ANO3: variants seen among roughly 807,000 people sequenced by gnomAD.
The protein encoded by ANO3 is anoctamin 3, also known as anoctamin-3.
A neutral mutation model predicts 144.8 loss-of-function variants in ANO3; 99 were observed. The ratio of observed to expected loss-of-function variants is 0.68; its 90% confidence interval spans 0.58 to 0.81. The LOEUF is 0.81. Among genes scored for constraint, ANO3 ranks in the 30% least tolerant of loss-of-function variants. The pLI is 0.00. For missense variants in ANO3, 905 were observed against 1,202.2 expected (o/e 0.75, Z 3.66); for synonymous variants, 414 against 392.6 (o/e 1.05, Z -0.64).
intron 1 of ANO3, among the ~76,000 whole-genome samples, chr11:26,272,665 A>G (rs998962013): frequency 1.3e-5 from 2 of 152,210 alleles, no homozygotes; most frequent in Admixed American, 1.3e-4. Flanking sequence ...GCTTCTGCCA[A>G]CTAAGAGACA....
At chr11:26,631,502 C>T (rs1050592326) in intron 18 of ANO3, among the ~76,000 whole-genome samples, 1 of 152,008 alleles carries the variant, frequency 6.6e-6, no homozygotes, top group Non-Finnish European at 1.5e-5. Flanking sequence ...ATCTCCAGAC[C>T]TACCTATCTA....
At chr11:26,311,913 A>G (rs1027133397) in intron 1 of ANO3, among the ~76,000 whole-genome samples, 5 of 152,292 alleles carry the variant, frequency 3.3e-5, no homozygotes, top group Non-Finnish European at 7.4e-5. Flanking sequence ...GGTTTGTTAA[A>G]TACGTATACA....
upstream of ANO3, among the ~76,000 whole-genome samples, chr11:26,328,816 A>G (rs576871244): frequency 3.3e-4 from 51 of 152,320 alleles, no homozygotes; most frequent in Non-Finnish European, 5.9e-4. Context: ...TGTAATAAGG[A>G]TAAAATCAAC....
intron 1 of ANO3, among the ~76,000 whole-genome samples, chr11:26,371,975 T>C (rs1856272914): frequency 6.6e-6 from 1 of 152,194 alleles, no homozygotes; most frequent in Non-Finnish European, 1.5e-5. Flanking sequence ...GTGGTACTAT[T>C]AGGAGGGCAT....
At chr11:26,291,576 C>T (rs1026184254) in intron 1 of ANO3, among the ~76,000 whole-genome samples, 6 of 152,108 alleles carry the variant, frequency 3.9e-5, no homozygotes, top group African/African-American at 7.2e-5. Context: ...TTAGTGCTTC[C>T]TTCAGGATCT....
At chr11:26,200,150 G>A (rs557842702) in intron 1 of ANO3, among the ~76,000 whole-genome samples, 2 of 152,270 alleles carry the variant, frequency 1.3e-5, no homozygotes, top group Admixed American at 6.5e-5. Context: ...AAACAGAGCC[G>A]AGATTGCTTT....
chr11:26,647,998 A>G, intron 24 of ANO3, 142 bp downstream of exon 24: 1 of 733,908 alleles, frequency 1.4e-6, no homozygotes, highest in Non-Finnish European at 2.0e-6. Flanking sequence ...AGGTGAAATC[A>G]AGCAAGGTAA....
At chr11:26,286,180 G>A (rs1236645059) in intron 1 of ANO3, 1 of 152,140 alleles carries the variant, frequency 6.6e-6, no homozygotes, top group Non-Finnish European at 1.5e-5. Flanking sequence ...GGGAAAAATA[G>A]TTCACAGGAC....
intron 1 of ANO3, among the ~76,000 whole-genome samples, chr11:26,275,214 T>C (rs1853530832): frequency 6.6e-6 from 1 of 152,102 alleles, no homozygotes; most frequent in Non-Finnish European, 1.5e-5. Context: ...AGCTGACATA[T>C]TTAGATTCAT....
chr11:26,567,007 C>T, intron 14 of ANO3: 1 of 1,412,862 alleles, frequency 7.1e-7, no homozygotes. Flanking sequence ...TCTATAGTGT[C>T]TTTTTGGTTA....
In ANO3 at chr11:26,643,278, C is replaced by A. The variant is rs1195680183; in HGVS notation, c.2372C>A (p.Ala791Glu). ...AATATCATTGAAATCAGGCTGGATG[C>A]ATACAAATTTGTCACTCAATGGCGG... is the stretch of plus-strand genomic sequence containing the variant. ...LNNIIEIRLDAYKFVTQWRRP... is the reference protein window; with the variant it reads ...LNNIIEIRLDEYKFVTQWRRP... Residue 791 changes from alanine (A) to glutamate (E), a missense_variant, in exon 23 of 27, where the codon GCA (alanine) becomes GAA (glutamate). Transcript: ENST00000256737. 1 of 1,614,172 alleles carries A rather than the reference C, an allele frequency of 6.2e-7. No homozygotes were observed. Among genetic ancestry groups the A allele is most frequent in the Admixed American group, 1.7e-5 (1 of 60,024 alleles).
intron 4 of ANO3, among the ~76,000 whole-genome samples, chr11:26,468,469 G>A (rs888001876): frequency 6.6e-6 from 1 of 151,922 alleles, no homozygotes; most frequent in Admixed American, 6.6e-5. Context: ...AGATCACAAG[G>A]CCATTCACTT....
chr11:26,197,927 A>C (rs1278268637), intron 1 of ANO3, among the ~76,000 whole-genome samples: 1 of 151,988 alleles, frequency 6.6e-6, no homozygotes, highest in Admixed American at 6.6e-5. Context: ...CTCTGACCCC[A>C]TGGCATCTCA....
At chr11:26,283,321 A>AATATATAT (rs58419788) in intron 1 of ANO3, among the ~76,000 whole-genome samples, 170 of 48,956 alleles carry the variant, frequency 3.5e-3, no homozygotes, top group African/African-American at 4.6e-3. Context: ...CAAATAAATA[A>AATATATAT]ATATATATAT....
chr11:26,544,297 C>CACACACACAT (rs1289018080), intron 11 of ANO3, among the ~76,000 whole-genome samples: 48 of 89,296 alleles, frequency 5.4e-4, no homozygotes, highest in Middle Eastern at 0.013. Flanking sequence ...CACACACACA[C>CACACACACAT]ATATGTATAT....
chr11:26,534,369 A>T lies in ANO3; in HGVS notation c.870-87A>T, dbSNP rs536347511. 1.3e-4 allele frequency: 103 copies of T among 776,548 alleles called. 1 individual carries two copies. In the South Asian group the frequency reaches 2.0e-3, roughly 15 times the overall value. The allele number at this position is 776,548 out of a possible 1,614,324, so 48.1% of individuals were successfully genotyped here. A position where few individuals can be genotyped will look rare whatever the true frequency, so the allele number is the denominator to read the frequency against. On this transcript the variant is annotated intron_variant, in intron 8 of 26. Coordinates refer to ENST00000256737, the MANE Select transcript of ANO3 (RefSeq NM_031418.4). ...TTTCCCTTCTGATTTACTATGCTTC[A>T]TATGCATTAGCTTTAATGGAACTTG...
At chr11:26,452,096 C>A (rs1858966169) in intron 3 of ANO3, among the ~76,000 whole-genome samples, 1 of 152,108 alleles carries the variant, frequency 6.6e-6, no homozygotes, top group Admixed American at 6.6e-5. Flanking sequence ...TCACCATCAT[C>A]AAAGACCAAA....
intron 1 of ANO3, among the ~76,000 whole-genome samples, chr11:26,317,455 T>C (rs1279445650): frequency 1.3e-5 from 2 of 150,662 alleles, no homozygotes; most frequent in Non-Finnish European, 3.0e-5. Context: ...GCAAAGGATA[T>C]GAACAGACAC....
chr11:26,447,096 A>G (rs1858728013), intron 3 of ANO3, among the ~76,000 whole-genome samples: 1 of 151,492 alleles, frequency 6.6e-6, no homozygotes, highest in Non-Finnish European at 1.5e-5. Context: ...AGTCCCAGCT[A>G]CGCAGGAGGC....
Sources: allele counts gnomAD v4.1 joint callset (sites outside exome capture counted in the v4.1 genomes callset), GRCh38; gene constraint gnomAD v4.1.1; transcripts MANE v1.5; gene names NCBI Gene and HGNC (gene_info 2026-07-23, HGNC 2026-07-21).